The following NCKAP1 variants were observed in gnomAD, a reference collection of about 807,000 sequenced individuals.
NCKAP1 encodes NCK associated protein 1.
NCKAP1 carries 21 observed loss-of-function variants against 151.2 expected under a neutral mutation model. The ratio of observed to expected loss-of-function variants is 0.14; its 90% CI spans 0.10 to 0.20. The LOEUF (loss-of-function observed/expected upper bound fraction) is 0.20. Among genes scored for constraint, NCKAP1 ranks in the 10% least tolerant of loss-of-function variants. NCKAP1 has a pLI of 1.00. For synonymous variants in NCKAP1, 484 were observed against 451.8 expected (o/e 1.07, Z -0.90); for missense variants, 933 against 1,352.1 (o/e 0.69, Z 4.86).
At chr2:182,947,612 A>C (rs1222178242) in intron 23 of NCKAP1, among the ~76,000 whole-genome samples, 4 of 152,168 alleles carry the variant, frequency 2.6e-5, no homozygotes, top group South Asian at 2.1e-4. Context: ...ATATATATAT[A>C]TCTCCAGCTT....
intron 1 of NCKAP1, among the ~76,000 whole-genome samples, chr2:183,028,051 T>A (rs897162859): frequency 2.0e-5 from 3 of 152,096 alleles, no homozygotes; most frequent in African/African-American, 7.2e-5. Context: ...AAAGACGTAA[T>A]CAAAAGATTT....
At chr2:183,020,295 T>C (rs1267870249) in intron 2 of NCKAP1, among the ~76,000 whole-genome samples, 1 of 151,536 alleles carries the variant, frequency 6.6e-6, no homozygotes, top group Non-Finnish European at 1.5e-5. Context: ...AGACCCCATG[T>C]CTACAAAATA....
chr2:182,944,957 G>T (rs968005155), intron 23 of NCKAP1, among the ~76,000 whole-genome samples: 7 of 151,934 alleles, frequency 4.6e-5, no homozygotes, highest in African/African-American at 1.7e-4. Flanking sequence ...TTAAAAGGCT[G>T]GGCGTGGTGG....
Position 183,037,987 on chromosome 2 carries a change from C to A in NCKAP1, c.108+5G>T, listed in dbSNP as rs376517315. On this transcript the variant is annotated splice_donor_5th_base_variant and intron_variant, in intron 1 of 30. Transcript: ENST00000361354. ...TCCGCCGCGGCCTCCCCGGCCCGTG[C>A]GCACCTTCTTGATGTTGTAGAGGCG... The A allele has an allele frequency of 1.3e-6, 2 of 1,577,642 alleles. No homozygotes were observed. Among genetic ancestry groups the A allele is most frequent in the African/African-American group, 2.8e-5 (2 of 71,826 alleles).
intron 2 of NCKAP1, among the ~76,000 whole-genome samples, chr2:183,014,391 A>C (rs1393769917): frequency 6.6e-6 from 1 of 152,176 alleles, no homozygotes; most frequent in African/African-American, 2.4e-5. Context: ...CAGATAGTAA[A>C]AAAAAGTCGA....
At chr2:183,021,024 C>G (rs748180659) in intron 2 of NCKAP1, among the ~76,000 whole-genome samples, 1 of 152,072 alleles carries the variant, frequency 6.6e-6, no homozygotes, top group Admixed American at 6.6e-5. Flanking sequence ...TCAGGCTTTG[C>G]AAACAAAACA....
intron 26 of NCKAP1, among the ~76,000 whole-genome samples, chr2:182,934,138 C>T (rs2105803505): frequency 6.6e-6 from 1 of 151,778 alleles, no homozygotes; most frequent in Admixed American, 6.6e-5. Context: ...TTCATTGCTT[C>T]ATCTTTCTTT....
At position 182,943,028 on chromosome 2, in the gene NCKAP1, A is replaced by G. The variant is rs558306377; in HGVS notation, c.2602-865T>C. On this transcript the variant is annotated intron_variant, in intron 23 of 30. Coordinates refer to ENST00000361354, the MANE Select transcript of NCKAP1 (RefSeq NM_013436.5). ...ACACTTCCCAGTTCTTTCACAATGT[A>G]AGTGAAGTTTATAATTTAATTTCTG... Among the ~76,000 whole-genome samples, 66 of 152,300 alleles carry G rather than the reference A, an allele frequency of 4.3e-4. No homozygotes were observed. In the South Asian group the frequency reaches 0.013, roughly 30 times the overall value.
intron 10 of NCKAP1, among the ~76,000 whole-genome samples, chr2:182,984,420 T>TG (rs3221120): frequency 2.4e-5 from 1 of 41,828 alleles, no homozygotes; most frequent in African/African-American, 5.5e-5. Context: ...GAATTTAGAT[T>TG]GGGGTGTGTG....
At chr2:183,011,752 T>C (rs910736883) in intron 2 of NCKAP1, among the ~76,000 whole-genome samples, 1 of 152,242 alleles carries the variant, frequency 6.6e-6, no homozygotes, top group Non-Finnish European at 1.5e-5. Flanking sequence ...CATATTTTCA[T>C]TTCTCTTCGG....
intron 13 of NCKAP1, among the ~76,000 whole-genome samples, chr2:182,980,488 G>GT (rs1697915003): frequency 6.6e-6 from 1 of 151,902 alleles, no homozygotes; most frequent in Admixed American, 6.6e-5. Flanking sequence ...TTTGAAACAT[G>GT]TAATTCTATA....
At chr2:183,028,216 A>G (rs1698935007) in intron 1 of NCKAP1, among the ~76,000 whole-genome samples, 1 of 152,014 alleles carries the variant, frequency 6.6e-6, no homozygotes, top group Non-Finnish European at 1.5e-5. Flanking sequence ...AGAATTGACT[A>G]AAAGAGGTAT....
chr2:183,022,078 C>G (rs1016134762), intron 2 of NCKAP1, among the ~76,000 whole-genome samples: 1 of 152,176 alleles, frequency 6.6e-6, no homozygotes, highest in African/African-American at 2.4e-5. Context: ...ATATCAAGAA[C>G]AGCAGATGCT....
intron 2 of NCKAP1, among the ~76,000 whole-genome samples, chr2:183,011,729 G>A (rs73046257): frequency 0.048 from 7,377 of 152,208 alleles, 593 homozygotes; most frequent in African/African-American, 0.17. Context: ...CTATGAACAT[G>A]TCTTTGGGTA....
At chr2:182,994,927 T>C in intron 7 of NCKAP1, 40 bp from the exon 8 acceptor site, 1 of 1,516,782 alleles carries the variant, frequency 6.6e-7, no homozygotes, top group Non-Finnish European at 9.1e-7. Context: ...TAAAAGAAAT[T>C]CTAAAAAATA....
At chr2:183,036,836 T>G (rs906922788) in intron 1 of NCKAP1, among the ~76,000 whole-genome samples, 5 of 149,488 alleles carry the variant, frequency 3.3e-5, no homozygotes, top group African/African-American at 1.3e-4. Flanking sequence ...AAAAAAACCT[T>G]TCTTCAGAAG....
chr2:182,924,161 A>G lies in NCKAP1; in HGVS notation c.*1541T>C, dbSNP rs974022536. On this transcript the variant is annotated 3_prime_UTR_variant, in exon 31 of 31. Transcript: ENST00000361354. Reference sequence around the variant, plus strand: ...AAAAAATCTTTATGGAACAAGTACAATTTTTCGACAGATAGTGACAACTAC... The same window carrying G: ...AAAAAATCTTTATGGAACAAGTACAGTTTTTCGACAGATAGTGACAACTAC... The G allele has an allele frequency of 6.6e-6, 1 of 152,164 alleles. No individual in the cohort carries two copies. The highest frequency in any genetic ancestry group is 2.4e-5 in the African/African-American group (1 of 41,432). The allele number at this position is 152,164 out of a possible 1,614,324, so 9.4% of individuals were successfully genotyped here.
At chr2:182,990,081 T>A (rs193156662) in intron 8 of NCKAP1, among the ~76,000 whole-genome samples, 162 of 151,884 alleles carry the variant, frequency 1.1e-3, no homozygotes, top group Non-Finnish European at 2.1e-3. Context: ...AATCATAGCA[T>A]CTCACATTTT....
chr2:182,971,931 T>C (rs968100609), intron 15 of NCKAP1, among the ~76,000 whole-genome samples: 3 of 152,040 alleles, frequency 2.0e-5, no homozygotes, highest in Non-Finnish European at 4.4e-5. Context: ...AATTAAAGAC[T>C]TAAATGTAAG....
Sources: gnomAD v4.1 joint callset for allele counts (sites outside exome capture counted in the v4.1 genomes callset) on GRCh38, gnomAD v4.1.1 for gene constraint, MANE v1.5 for transcripts, NCBI Gene and HGNC (gene_info 2026-07-23, HGNC 2026-07-21) for gene names.